CNTN4: variants seen among roughly 807,000 people sequenced by gnomAD.
The protein encoded by CNTN4 is contactin 4.
A neutral mutation model predicts 122.5 loss-of-function variants in CNTN4; 77 were observed. The observed-to-expected ratio is 0.63, with a 90% confidence interval of 0.52 to 0.76. The LOEUF (loss-of-function observed/expected upper bound fraction) is 0.76, where lower values mean the gene tolerates loss of function less well. Ranked by LOEUF, CNTN4 falls within the 30% of genes least tolerant of loss-of-function variation. The probability of loss-of-function intolerance (pLI) is 0.00; values close to 1 mark genes in which losing one functional copy is unlikely to be tolerated. For missense variants in CNTN4, 1,256 were observed against 1,259.1 expected (o/e 1.00, Z 0.04); for synonymous variants, 512 against 447.0 (o/e 1.15, Z -1.83).
chr3:2,934,729 G>T (rs535147775), intron 13 of CNTN4, among the ~76,000 whole-genome samples: 2 of 152,184 alleles, frequency 1.3e-5, no homozygotes, highest in Admixed American at 1.3e-4. Context: ...CTGCCCTGGG[G>T]AACAATTATG....
intron 3 of CNTN4, among the ~76,000 whole-genome samples, chr3:2,370,329 G>A (rs1292795199): frequency 1.3e-5 from 2 of 152,092 alleles, no homozygotes; most frequent in Non-Finnish European, 2.9e-5. Flanking sequence ...ATATTATGTT[G>A]AAGAGAAATG....
chr3:2,137,546 G>A (rs903278064), intron 2 of CNTN4, among the ~76,000 whole-genome samples: 8 of 152,172 alleles, frequency 5.3e-5, no homozygotes, highest in Non-Finnish European at 1.0e-4. Flanking sequence ...ATTGCCTGCA[G>A]GCGATTCACT....
At chr3:2,791,493 A>G (rs1450007113) in intron 6 of CNTN4, among the ~76,000 whole-genome samples, 2 of 151,788 alleles carry the variant, frequency 1.3e-5, no homozygotes, top group Non-Finnish European at 2.9e-5. Flanking sequence ...TGATTGTGCC[A>G]CTGCACTCCA....
chr3:2,807,055 T>A (rs2092484525), intron 6 of CNTN4, among the ~76,000 whole-genome samples: 1 of 152,196 alleles, frequency 6.6e-6, no homozygotes, highest in African/African-American at 2.4e-5. Context: ...GATTTTTGCT[T>A]TGTTTTGTTT....
chr3:2,237,924 A>C (rs1464560940), intron 2 of CNTN4, among the ~76,000 whole-genome samples: 1 of 152,184 alleles, frequency 6.6e-6, no homozygotes, highest in Non-Finnish European at 1.5e-5. Context: ...TTTCTTGCTC[A>C]TCAGGGTAAC....
intron 5 of CNTN4, among the ~76,000 whole-genome samples, chr3:2,744,449 T>A (rs977775205): frequency 6.6e-6 from 1 of 152,252 alleles, no homozygotes; most frequent in African/African-American, 2.4e-5. Flanking sequence ...CATTCCTTAC[T>A]CTCATTATGG....
chr3:2,305,763 C>A (rs765094385), intron 2 of CNTN4, among the ~76,000 whole-genome samples: 1 of 152,048 alleles, frequency 6.6e-6, no homozygotes, highest in Non-Finnish European at 1.5e-5. Flanking sequence ...CCAAAGGAAA[C>A]CCAGGACCCA....
intron 2 of CNTN4, among the ~76,000 whole-genome samples, chr3:2,249,417 C>A (rs892014028): frequency 1.3e-5 from 2 of 151,960 alleles, no homozygotes; most frequent in Non-Finnish European, 2.9e-5. Flanking sequence ...TAAGTGATCT[C>A]ATGACTAGAA....
At chr3:2,798,996 A>G (rs865796398) in intron 6 of CNTN4, among the ~76,000 whole-genome samples, 25 of 152,160 alleles carry the variant, frequency 1.6e-4, no homozygotes, top group Admixed American at 2.6e-4. Context: ...CATCCTCACC[A>G]ACATATTCTT....
At chr3:2,483,749 C>T (rs1325754859) in intron 3 of CNTN4, among the ~76,000 whole-genome samples, 1 of 152,166 alleles carries the variant, frequency 6.6e-6, no homozygotes, top group Non-Finnish European at 1.5e-5. Context: ...GTGCCTTCTA[C>T]CATGATTGTA....
intron 2 of CNTN4, among the ~76,000 whole-genome samples, chr3:2,325,370 A>G (rs552826486): frequency 6.6e-6 from 1 of 152,330 alleles, no homozygotes; most frequent in South Asian, 2.1e-4. Context: ...TATGAATTGA[A>G]AAGTATTTTA....
intron 2 of CNTN4, among the ~76,000 whole-genome samples, chr3:2,213,141 A>G (rs1261385729): frequency 6.6e-6 from 1 of 152,226 alleles, no homozygotes; most frequent in Non-Finnish European, 1.5e-5. Context: ...AGTATCAGAA[A>G]GGACACACTG....
intron 6 of CNTN4, among the ~76,000 whole-genome samples, chr3:2,771,530 T>C (rs1008091437): frequency 2.0e-5 from 3 of 152,204 alleles, no homozygotes; most frequent in African/African-American, 7.2e-5. Context: ...AGTTTCATTC[T>C]CTGTATAATG....
At chr3:2,146,968 C>G (rs1220820755) in intron 2 of CNTN4, among the ~76,000 whole-genome samples, 1 of 152,130 alleles carries the variant, frequency 6.6e-6, no homozygotes, top group African/African-American at 2.4e-5. Flanking sequence ...GCAACCTCTG[C>G]CTCCTGGGTT....
chr3:2,535,971 G>A (rs894347934), intron 3 of CNTN4, among the ~76,000 whole-genome samples: 2 of 152,082 alleles, frequency 1.3e-5, no homozygotes, highest in African/African-American at 4.8e-5. Context: ...GTTCTTCAAA[G>A]AGCAAGCCCA....
At chr3:2,266,885 A>C (rs947256617) in intron 2 of CNTN4, among the ~76,000 whole-genome samples, 1 of 152,132 alleles carries the variant, frequency 6.6e-6, no homozygotes, top group African/African-American at 2.4e-5. Flanking sequence ...TGGCTTCTTC[A>C]ATACTAAAAC....
intron 13 of CNTN4, among the ~76,000 whole-genome samples, chr3:2,934,946 C>T (rs1481335193): frequency 6.6e-6 from 1 of 151,874 alleles, no homozygotes; most frequent in Non-Finnish European, 1.5e-5. Flanking sequence ...AACTTCTTGC[C>T]GTTACTTCAG....
At chr3:2,156,562 A>G (rs1439075863) in intron 2 of CNTN4, among the ~76,000 whole-genome samples, 1 of 152,182 alleles carries the variant, frequency 6.6e-6, no homozygotes, top group Non-Finnish European at 1.5e-5. Flanking sequence ...GAAAAATAAG[A>G]AATACAACTG....
At chr3:2,494,028 ATT>A (rs74511445) in intron 3 of CNTN4, among the ~76,000 whole-genome samples, 4 of 146,044 alleles carry the variant, frequency 2.7e-5, no homozygotes, top group African/African-American at 1.0e-4. Flanking sequence ...GTTTATTAGG[ATT>A]TTTTTTTTTT....
Sources: gnomAD v4.1 joint callset for allele counts (sites outside exome capture counted in the v4.1 genomes callset) on GRCh38, gnomAD v4.1.1 for gene constraint, MANE v1.5 for transcripts, NCBI Gene and HGNC (gene_info 2026-07-23, HGNC 2026-07-21) for gene names.